Variants in IQCK observed in about 807,000 individuals in gnomAD.
IQCK encodes IQ motif containing K, also known as IQ domain-containing protein K.
In IQCK, 29 loss-of-function variants were observed where a neutral mutation model predicts 28.1. That is an observed-to-expected ratio of 1.03 (90% CI 0.77 to 1.41). The LOEUF is 1.41. IQCK is among the 40% of genes most tolerant of loss of function. The pLI, the probability that IQCK is intolerant of heterozygous loss-of-function variation, is 0.00. For missense variants in IQCK, 359 were observed against 314.7 expected, an observed-to-expected ratio of 1.14 and a Z score of -1.07; for synonymous variants, 113 against 115.1, an observed-to-expected ratio of 0.98 and a Z score of 0.12.
At chr16:19,836,724 G>C (rs1291709833) in intron 9 of IQCK, among the ~76,000 whole-genome samples, 1 of 152,168 alleles carries the variant, frequency 6.6e-6, no homozygotes, top group East Asian at 1.9e-4. Context: ...ATGTTGGCCA[G>C]GATGCTCTTG....
chr16:19,839,466 C>T (rs1312211543), intron 9 of IQCK, among the ~76,000 whole-genome samples: 2 of 152,016 alleles, frequency 1.3e-5, no homozygotes, highest in East Asian at 3.9e-4. Context: ...CGGCCAGTCA[C>T]CCAGGATTTT....
chr16:19,842,365 G>T (rs2141113198), intron 9 of IQCK, among the ~76,000 whole-genome samples: 1 of 152,284 alleles, frequency 6.6e-6, no homozygotes, highest in South Asian at 2.1e-4. Context: ...TAAGTTGAAG[G>T]TGGCAGTTTA....
chr16:19,756,539 G>A (rs2055054623), intron 4 of IQCK, among the ~76,000 whole-genome samples: 1 of 152,164 alleles, frequency 6.6e-6, no homozygotes, highest in Non-Finnish European at 1.5e-5. Flanking sequence ...GCCTTTGGGA[G>A]GTGATTAGGC....
intron 7 of IQCK, among the ~76,000 whole-genome samples, chr16:19,818,514 T>A (rs779823833): frequency 3.9e-5 from 6 of 152,160 alleles, no homozygotes; most frequent in Non-Finnish European, 8.8e-5. Flanking sequence ...TTCCTCAGCC[T>A]CTTGAGTAGC....
chr16:19,818,276 G>T (rs568540149), intron 7 of IQCK, among the ~76,000 whole-genome samples: 10 of 152,218 alleles, frequency 6.6e-5, no homozygotes, highest in African/African-American at 2.4e-4. Flanking sequence ...AGATCTGGGG[G>T]CTTATCCCAT....
chr16:19,840,031 C>CA (rs34066297), intron 9 of IQCK, among the ~76,000 whole-genome samples: 2,518 of 117,878 alleles, frequency 0.021, 24 homozygotes, highest in Middle Eastern at 0.053. Flanking sequence ...GAACTGTTTC[C>CA]AAAAAAAAAA....
At chr16:19,785,849 C>CT (rs1219822478) in intron 6 of IQCK, among the ~76,000 whole-genome samples, 2 of 152,160 alleles carry the variant, frequency 1.3e-5, no homozygotes, top group Non-Finnish European at 2.9e-5. Flanking sequence ...TACTTTTGTC[C>CT]TTTCGTTTTC....
In IQCK at chr16:19,827,082, G is replaced by A. The variant is rs370280528; in HGVS notation, c.747G>A (p.Glu249=). 7.4e-6 allele frequency: 12 copies of A among 1,614,018 alleles called. No individual in the cohort carries two copies. In the African/African-American group the frequency reaches 1.5e-4, roughly 20 times the overall value. ...GTCAGTGGCAGAAGAAACTTCGCGA[G>A]GCCAAGCACATTCACCAGCAAGTCA... Residue 249 remains glutamate (E), a synonymous_variant, in exon 8 of 8, where the codon GAG becomes GAA. Coordinates refer to ENST00000564186, the Ensembl canonical transcript of IQCK.
chr16:19,719,219 T>G (rs1420161344), intron 1 of IQCK, among the ~76,000 whole-genome samples: 1 of 152,118 alleles, frequency 6.6e-6, no homozygotes, highest in Admixed American at 6.6e-5. Context: ...AAAGGATTAT[T>G]GGGGAAAAAA....
chr16:19,800,560 CAAT>C (rs10607910), intron 7 of IQCK, among the ~76,000 whole-genome samples: 1 of 11,570 alleles, frequency 8.6e-5, no homozygotes, highest in African/African-American at 2.3e-3. Flanking sequence ...ATTTAATATT[CAAT>C]AATAATAATT....
chr16:19,744,085 G>T (rs1412198367), intron 4 of IQCK, among the ~76,000 whole-genome samples: 1 of 152,080 alleles, frequency 6.6e-6, no homozygotes, highest in Non-Finnish European at 1.5e-5. Context: ...CTGGAATCAG[G>T]CAGACCCTTT....
intron 6 of IQCK, among the ~76,000 whole-genome samples, chr16:19,780,746 T>G (rs1567554743): frequency 6.6e-6 from 1 of 152,252 alleles, no homozygotes; most frequent in Non-Finnish European, 1.5e-5. Flanking sequence ...TTACAGTTGT[T>G]GCAGAGATCG....
intron 6 of IQCK, among the ~76,000 whole-genome samples, chr16:19,768,049 C>A (rs1597540278): frequency 1.6e-5 from 2 of 127,054 alleles, no homozygotes; most frequent in Non-Finnish European, 1.6e-5. Flanking sequence ...CTAGGTAATT[C>A]TAATATATAG....
chr16:19,829,495 C>T (rs779243453), downstream of IQCK, among the ~76,000 whole-genome samples: 1 of 152,120 alleles, frequency 6.6e-6, no homozygotes, highest in Non-Finnish European at 1.5e-5. Context: ...TGCCACCATG[C>T]CCAGCTAATT....
In IQCK at chr16:19,825,381, CTGG is replaced by C. The variant is rs1322364733; in HGVS notation, c.691-1639_691-1637del. ...ACTAAAAATACAAAATTAGCCAGGC[CTGG>C]TGGTGCACACCTGTATTCCCAGCTA... On this transcript the variant is annotated intron_variant, in intron 7 of 7. Transcript: ENST00000564186. This position sits in a 1 kb window ranked among gnomAD's most constrained non-coding sequence, Gnocchi z 4.2. Among the ~76,000 whole-genome samples, 13 of 152,042 alleles carry C rather than the reference CTGG, an allele frequency of 8.6e-5. No homozygotes were observed. Among genetic ancestry groups the C allele is most frequent in the Admixed American group, 4.6e-4 (7 of 15,252 alleles).
At position 19,793,643 on chromosome 16, in the gene IQCK, G is replaced by GTTTTTTT. The variant is rs1285541664; in HGVS notation, c.690+4745_690+4751dup. Among the ~76,000 whole-genome samples the GTTTTTTT allele has an allele frequency of 3.7e-4, 23 of 61,808 alleles. 1 individual carries two copies. The highest frequency in any genetic ancestry group is 5.5e-4 in the Admixed American group (2 of 3,608). The allele number at this position is 61,808 out of a possible 152,430, so 40.5% of individuals were successfully genotyped here. A position where few individuals can be genotyped will look rare whatever the true frequency, so the allele number is the denominator to read the frequency against. On this transcript the variant is annotated intron_variant, in intron 7 of 7. Transcript: ENST00000564186. ...CAATGCCTATCGAAATCTCAGTTGG[G>GTTTTTTT]TTTTTTTTTTTTTTTTTTTTTTTTT...
chr16:19,835,067 T>C (rs1229330520), intron 9 of IQCK, among the ~76,000 whole-genome samples: 10 of 151,934 alleles, frequency 6.6e-5, no homozygotes, highest in Admixed American at 6.6e-4. Flanking sequence ...GAGTTTGAGA[T>C]CAGCCTGGCC....
At chr16:19,761,576 G>A in intron 4 of IQCK, 1 of 262,908 alleles carries the variant, frequency 3.8e-6, no homozygotes, top group South Asian at 3.6e-5. Context: ...AAAGAAGACA[G>A]AGATTTTATC....
intron 7 of IQCK, among the ~76,000 whole-genome samples, chr16:19,815,480 A>G (rs1378890707): frequency 2.0e-5 from 3 of 152,038 alleles, no homozygotes; most frequent in Non-Finnish European, 4.4e-5. Context: ...GTGAGACCCC[A>G]TCTCTACAAT....
Sources: gnomAD v4.1 joint callset for allele counts (sites outside exome capture counted in the v4.1 genomes callset) on GRCh38, gnomAD v4.1.1 for gene constraint, Gnocchi (gnomAD v3.1) non-coding constraint, MANE v1.5 for transcripts, NCBI Gene and HGNC (gene_info 2026-07-23, HGNC 2026-07-21) for gene names.